LRRC56: variants seen among roughly 807,000 people sequenced by gnomAD.
LRRC56 encodes the protein leucine rich repeat containing 56, also known as leucine-rich repeat-containing protein 56.
A neutral mutation model predicts 47.8 loss-of-function variants in LRRC56; 41 were observed. The observed-to-expected ratio is 0.86, with a 90% CI of 0.67 to 1.11. LRRC56 has a LOEUF of 1.11. Ranked by LOEUF, LRRC56 falls within the 50% of genes most tolerant of loss-of-function variation. The probability of loss-of-function intolerance (pLI) is 0.00; values close to 1 mark genes in which losing one functional copy is unlikely to be tolerated. For missense variants in LRRC56, 759 were observed against 704.2 expected, an observed-to-expected ratio of 1.08 and a Z score of -0.88; for synonymous variants, 387 against 311.2, an observed-to-expected ratio of 1.24 and a Z score of -2.56.
rs773124247 is a variant in LRRC56 at position 552,569 on chromosome 11, C to T, written c.1182C>T (p.Arg394=). ...GLRAWREHGV[R]PLPYRHPESQ... ...GCTTCTCCTCCTCTCCCCACCCTAG[C>T]CCCCTCCCCTATAGGCACCCGGAGT... Residue 394 remains arginine (R), a splice_region_variant and synonymous_variant, in exon 13 of 14, where the codon CGC becomes CGT. Coordinates refer to ENST00000270115, the MANE Select transcript of LRRC56 (RefSeq NM_198075.4). 8.1e-6 allele frequency: 13 copies of T among 1,598,782 alleles called. No individual in the cohort carries two copies. The highest frequency in any genetic ancestry group is 1.1e-5 in the Non-Finnish European group (13 of 1,172,756).
Position 552,607 on chromosome 11 carries a change from G to C in LRRC56, c.1220G>C (p.Gly407Ala). The C allele has an allele frequency of 6.2e-7, 1 of 1,609,814 alleles. No homozygotes were observed. Among genetic ancestry groups the C allele is most frequent in the Admixed American group, 1.7e-5 (1 of 59,778 alleles). The part of the protein sequence containing the change: ...PYRHPESQQE[G>A]AVAPWGPRRV... ...AGGCACCCGGAGTCCCAACAGGAAG[G>C]GGCTGTAGCCCCCTGGGGCCCACGG... The change falls in exon 13 of 14, where the codon GGG (glycine) becomes GCG (alanine). Residue 407 changes from glycine (G) to alanine (A), a missense_variant. Gly to Ala is a moderately conservative substitution (Grantham distance 60). Transcript: ENST00000270115.
intron 5 of LRRC56, among the ~76,000 whole-genome samples, chr11:542,725 T>A (rs994489902): frequency 6.6e-6 from 1 of 152,070 alleles, no homozygotes; most frequent in Non-Finnish European, 1.5e-5. Context: ...CCTGAACTAG[T>A]TGAGAGTTGG....
chr11:515,546 A>G, the LRRC56 span, among the ~76,000 whole-genome samples: 1 of 152,178 alleles, frequency 6.6e-6, no homozygotes, highest in South Asian at 2.1e-4. Flanking sequence ...TTGGCTTATA[A>G]TAAGTTCTGA....
the LRRC56 span, among the ~76,000 whole-genome samples, chr11:527,924 A>T: frequency 6.8e-6 from 1 of 147,756 alleles, no homozygotes; most frequent in Non-Finnish European, 1.5e-5. Flanking sequence ...CTAGTCCCGA[A>T]CTCCTGACCT....
chr11:513,095 C>T, the LRRC56 span, among the ~76,000 whole-genome samples: 1 of 152,244 alleles, frequency 6.6e-6, no homozygotes, highest in Non-Finnish European at 1.5e-5. Flanking sequence ...CACACCCCGC[C>T]TGCAGGGGCC....
Position 552,600 on chromosome 11 carries a change from C to G in LRRC56, c.1213C>G (p.Gln405Glu). The change falls in exon 13 of 14, where the codon CAG becomes GAG. Residue 405 changes from glutamine to glutamate, a missense_variant. Transcript: ENST00000270115. The part of the protein sequence containing the change: ...PLPYRHPESQ[Q>E]EGAVAPWGPR... ...CCCCTATAGGCACCCGGAGTCCCAA[C>G]AGGAAGGGGCTGTAGCCCCCTGGGG... 1.2e-6 allele frequency: 2 copies of G among 1,608,866 alleles called. No individual in the cohort carries two copies. Among genetic ancestry groups the G allele is most frequent in the Non-Finnish European group, 1.7e-6 (2 of 1,177,932 alleles).
rs1461063226 is a variant in LRRC56, at chr11:554,464, C to T, written c.*188C>T. On this transcript the variant is annotated 3_prime_UTR_variant, in exon 14 of 14. Coordinates refer to ENST00000270115, the MANE Select transcript of LRRC56 (RefSeq NM_198075.4). Reference sequence around the variant, plus strand: ...CAGGGAGGCAGCAGAGGCTGGAACCCAGTTTAGGCCCCCAACTGGGTTTGG... The same window carrying T: ...CAGGGAGGCAGCAGAGGCTGGAACCTAGTTTAGGCCCCCAACTGGGTTTGG... 1.0e-5 allele frequency: 5 copies of T among 483,512 alleles called. No homozygotes were observed. The South Asian group carries it at 2.2e-4, about 21-fold the overall frequency. 30.0% of individuals were successfully genotyped at this position (483,512 alleles called of 1,614,324 possible).
At position 554,875 on chromosome 11, in the gene LRRC56, T is replaced by A; in HGVS notation, c.*599T>A. Reference sequence around the variant, plus strand: ...TCAGGTGTACAGAAATGCGGTTTACTTTGTAGGCCACGTTGGTTCAATAAA... The same window carrying A: ...TCAGGTGTACAGAAATGCGGTTTACATTGTAGGCCACGTTGGTTCAATAAA... On this transcript the variant is annotated 3_prime_UTR_variant, in exon 14 of 14. Transcript: ENST00000270115. 2 of 806,812 alleles carry A rather than the reference T, an allele frequency of 2.5e-6. No homozygotes were observed. The highest frequency in any genetic ancestry group is 3.9e-5 in the South Asian group (2 of 50,952). The allele number at this position is 806,812 out of a possible 1,614,324, so 50.0% of individuals were successfully genotyped here. A position where few individuals can be genotyped will look rare whatever the true frequency, so the allele number is the denominator to read the frequency against.
the LRRC56 span, among the ~76,000 whole-genome samples, chr11:522,749 T>G: frequency 6.6e-6 from 1 of 152,134 alleles, no homozygotes; most frequent in Non-Finnish European, 1.5e-5. Context: ...TGTATACATT[T>G]TCTTTTCTTT....
the LRRC56 span, among the ~76,000 whole-genome samples, chr11:520,462 G>A: frequency 1.3e-5 from 2 of 151,670 alleles, no homozygotes; most frequent in African/African-American, 2.4e-5. Flanking sequence ...CTGGGATTAC[G>A]TGCGCCACCA....
upstream of LRRC56, chr11:532,549 G>A: frequency 3.2e-6 from 5 of 1,550,500 alleles, no homozygotes; most frequent in Non-Finnish European, 4.3e-6. Flanking sequence ...GGAGGCTGCT[G>A]ACCGCAGGCC....
chr11:532,523 C>G, the LRRC56 span: 1 of 1,428,918 alleles, frequency 7.0e-7, no homozygotes, highest in South Asian at 1.2e-5. Context: ...TGAGCTTGTG[C>G]TGGGCGGGGC....
rs372922601 is a variant in LRRC56, at chr11:540,628, A to G, written c.-11-46A>G. ...CAGGGTCTCAGCCGGGCTGCAGAGG[A>G]GGAGGAGCAACAGCGTGGAGCTTTG... On this transcript the variant is annotated intron_variant, in intron 3 of 13. Transcript: ENST00000270115. 1.5e-4 allele frequency: 227 copies of G among 1,543,478 alleles called. 4 individuals are homozygous for G. In the African/African-American group the frequency reaches 2.6e-3, roughly 18 times the overall value.
At position 541,600 on chromosome 11, in the gene LRRC56, C is replaced by T. The variant is rs371006219; in HGVS notation, c.241C>T (p.Arg81Cys). ...GACGCTGGAGATGTGTGTGGACACT[C>T]GTGAGGGCAGCCTGGGGAACTTTGG... ...VRTLEMCVDT[R>C]EGSLGNFGVH... is the part of the protein sequence containing the mutation. The change falls in exon 5 of 14, where the codon CGT (arginine) becomes TGT (cysteine). Residue 81 changes from arginine (R) to cysteine (C), a missense_variant. By Grantham distance (180) the Arg-to-Cys change is radical (BLOSUM62 -3). Transcript: ENST00000270115. This position sits in a 1 kb window ranked among gnomAD's most constrained non-coding sequence, Gnocchi z 4.1. 4 of 1,584,926 alleles carry T rather than the reference C, an allele frequency of 2.5e-6. No homozygotes were observed. Among genetic ancestry groups the T allele is most frequent in the Non-Finnish European group, 3.4e-6 (4 of 1,164,294 alleles).
chr11:533,151 G>A, upstream of LRRC56: 1 of 863,096 alleles, frequency 1.2e-6, no homozygotes, highest in Non-Finnish European at 1.7e-6. Context: ...GCTCCGGCCT[G>A]GCTCAGGGCA....
upstream of LRRC56, chr11:534,042 C>T (rs1851296226): frequency 9.5e-6 from 13 of 1,368,850 alleles, no homozygotes; most frequent in African/African-American, 2.8e-5. Flanking sequence ...CCCTCATGCC[C>T]CCTCCTCTCC....
rs759101276 is a variant in LRRC56 at position 540,746 on chromosome 11, G to A, written c.62G>A (p.Arg21Gln). 1.9e-5 allele frequency: 31 copies of A among 1,612,018 alleles called. No individual in the cohort carries two copies. The highest frequency in any genetic ancestry group is 8.8e-5 in the South Asian group (8 of 90,774). ...CGGAGCACCTCCAGCGTCCGGGTGCGGGAGCTGAGCTGGCAAGGCCTGCAC... is the reference window on the plus strand; with the variant it reads ...CGGAGCACCTCCAGCGTCCGGGTGCAGGAGCTGAGCTGGCAAGGCCTGCAC... ...PRRSTSSVRV[R>Q]ELSWQGLHNP... The change falls in exon 4 of 14, where the codon CGG (arginine) becomes CAG (glutamine). Residue 21 changes from arginine to glutamine, a missense_variant. Physicochemically the swap from Arg to Gln is conservative, Grantham distance 43. Coordinates refer to ENST00000270115, the MANE Select transcript of LRRC56 (RefSeq NM_198075.4).
upstream of LRRC56, chr11:533,477 G>C (rs533567288): frequency 5.0e-6 from 8 of 1,613,552 alleles, no homozygotes; most frequent in East Asian, 2.2e-5. Flanking sequence ...CCGAGGTCTC[G>C]ATGTAGGGGA....
At chr11:527,318 G>A in the LRRC56 span, among the ~76,000 whole-genome samples, 17 of 152,116 alleles carry the variant, frequency 1.1e-4, no homozygotes, top group Non-Finnish European at 2.1e-4. Context: ...AATTTGCAAC[G>A]TGCCGTGTGG....
Sources: allele counts gnomAD v4.1 joint callset (sites outside exome capture counted in the v4.1 genomes callset), GRCh38; gene constraint gnomAD v4.1.1; non-coding constraint Gnocchi (gnomAD v3.1); transcripts MANE v1.5; gene names NCBI Gene and HGNC (gene_info 2026-07-23, HGNC 2026-07-21).